The following UNC13C variants were observed in gnomAD, a reference collection of about 807,000 sequenced individuals.
The protein encoded by UNC13C is unc-13 homolog C, also known as protein unc-13 homolog C.
Under a neutral mutation model 245.4 loss-of-function variants are expected in UNC13C, and 174 were observed. That is an observed-to-expected ratio of 0.71 (90% CI 0.63 to 0.80). The LOEUF (loss-of-function observed/expected upper bound fraction) is 0.80. UNC13C is among the 30% of genes least tolerant of loss of function. The pLI is 0.00. For synonymous variants in UNC13C, 992 were observed against 895.1 expected, an observed-to-expected ratio of 1.11 and a Z score of -1.93; for missense variants, 2,829 against 2,602.9, an observed-to-expected ratio of 1.09 and a Z score of -1.89.
chr15:54,359,918 T>G (rs894757269), intron 17 of UNC13C, among the ~76,000 whole-genome samples: 3 of 151,940 alleles, frequency 2.0e-5, no homozygotes, highest in African/African-American at 7.2e-5. Context: ...TCTAGTTTCC[T>G]AAGGTATACC....
chr15:54,175,121 G>A (rs1191055122), intron 4 of UNC13C, among the ~76,000 whole-genome samples: 1 of 152,022 alleles, frequency 6.6e-6, no homozygotes, highest in Non-Finnish European at 1.5e-5. Context: ...TCCAACAGGG[G>A]CATATTTCCT....
At chr15:54,628,978 T>G (rs1172328478), downstream of UNC13C, 10 of 151,972 alleles carry the variant, frequency 6.6e-5, no homozygotes, top group Admixed American at 6.6e-4. Context: ...CATAAACACA[T>G]ATGCACGTAT....
At chr15:54,604,721 C>G (rs570004696) in intron 30 of UNC13C, among the ~76,000 whole-genome samples, 18 of 152,302 alleles carry the variant, frequency 1.2e-4, no homozygotes, top group Non-Finnish European at 2.2e-4. Context: ...AGTGCCAGCA[C>G]AGGGCAATAC....
At chr15:53,877,855 C>T in the UNC13C span, among the ~76,000 whole-genome samples, 1 of 152,182 alleles carries the variant, frequency 6.6e-6, no homozygotes, top group Non-Finnish European at 1.5e-5. Context: ...CCCTCCTGAC[C>T]TCGTAACTAT....
intron 2 of UNC13C, among the ~76,000 whole-genome samples, chr15:54,060,449 A>G (rs991813283): frequency 6.6e-6 from 1 of 152,246 alleles, no homozygotes; most frequent in Non-Finnish European, 1.5e-5. Context: ...AATGGTGATC[A>G]TTAAAAAGTC....
At chr15:54,290,247 C>A (rs764331379) in intron 10 of UNC13C, among the ~76,000 whole-genome samples, 1 of 151,812 alleles carries the variant, frequency 6.6e-6, no homozygotes, top group Non-Finnish European at 1.5e-5. Flanking sequence ...CCAGTCTTTA[C>A]GGGGAAAAAG....
intron 19 of UNC13C, among the ~76,000 whole-genome samples, chr15:54,454,651 A>G (rs899867320): frequency 1.9e-4 from 29 of 151,290 alleles, no homozygotes; most frequent in Admixed American, 7.9e-4. Flanking sequence ...TTCTCTATAC[A>G]TTTACCTATT....
chr15:53,854,494 G>A, the UNC13C span, among the ~76,000 whole-genome samples: 33 of 152,232 alleles, frequency 2.2e-4, no homozygotes, highest in Non-Finnish European at 3.8e-4. Context: ...AAGGGGTCCA[G>A]TTTTAATTTT....
chr15:54,218,410 A>C (rs1249383444), intron 4 of UNC13C, among the ~76,000 whole-genome samples: 1 of 151,968 alleles, frequency 6.6e-6, no homozygotes, highest in Non-Finnish European at 1.5e-5. Flanking sequence ...TTACTGTCTT[A>C]CTTGAATGGT....
At chr15:54,271,828 A>C (rs1483142727) in intron 10 of UNC13C, among the ~76,000 whole-genome samples, 1 of 152,212 alleles carries the variant, frequency 6.6e-6, no homozygotes, top group African/African-American at 2.4e-5. Context: ...TTGAATAGGC[A>C]TGGGAATGGT....
intron 19 of UNC13C, among the ~76,000 whole-genome samples, chr15:54,480,251 G>A (rs1211373591): frequency 1.3e-5 from 2 of 151,552 alleles, no homozygotes; most frequent in Non-Finnish European, 1.5e-5. Flanking sequence ...CTCTGCTGTG[G>A]TCTTTATTAT....
intron 2 of UNC13C, among the ~76,000 whole-genome samples, chr15:54,121,322 C>T (rs564625117): frequency 3.3e-5 from 5 of 152,212 alleles, no homozygotes; most frequent in South Asian, 2.1e-4. Context: ...AAGGCTCAGA[C>T]GATTGTTAGT....
chr15:54,562,632 T>C (rs1897341650), intron 29 of UNC13C, among the ~76,000 whole-genome samples: 1 of 152,074 alleles, frequency 6.6e-6, no homozygotes, highest in Non-Finnish European at 1.5e-5. Flanking sequence ...GCTCTCCTGC[T>C]ATGTATTGGT....
chr15:54,169,738 C>A lies in UNC13C; in HGVS notation c.3071+26054C>A, dbSNP rs1404980882. ...TTGGAGAGCCCTTTGGGACACATCA[C>A]CTCTCCTCAACAACTCCTGTCCGTA... On this transcript the variant is annotated intron_variant, in intron 4 of 32. Coordinates refer to ENST00000260323, the MANE Select transcript of UNC13C (RefSeq NM_001080534.3). Among the ~76,000 whole-genome samples, 3 of 152,126 alleles carry A rather than the reference C, an allele frequency of 2.0e-5. No homozygotes were observed. In the East Asian group the frequency reaches 5.8e-4, roughly 29 times the overall value.
chr15:54,420,077 G>T (rs540873449), intron 19 of UNC13C, among the ~76,000 whole-genome samples: 3 of 152,154 alleles, frequency 2.0e-5, no homozygotes, highest in South Asian at 2.1e-4. Context: ...ATCCCCTGCA[G>T]TAGCACCAAA....
chr15:54,374,207 A>G (rs781438943), intron 17 of UNC13C, among the ~76,000 whole-genome samples: 9 of 152,196 alleles, frequency 5.9e-5, no homozygotes, highest in South Asian at 2.1e-4. Flanking sequence ...AAAAAGCACC[A>G]TAAGTTCTCA....
chr15:54,251,604 T>A (rs2036154574), intron 8 of UNC13C, among the ~76,000 whole-genome samples: 1 of 152,250 alleles, frequency 6.6e-6, no homozygotes, highest in African/African-American at 2.4e-5. Flanking sequence ...AAAATACACA[T>A]AATTGACTTT....
intron 20 of UNC13C, among the ~76,000 whole-genome samples, chr15:54,497,249 T>C (rs371076690): frequency 6.6e-6 from 1 of 152,110 alleles, no homozygotes. Flanking sequence ...CTAAGATCCC[T>C]GAGAAAAGAA....
intron 4 of UNC13C, among the ~76,000 whole-genome samples, chr15:54,162,097 G>A (rs1216081686): frequency 6.6e-6 from 1 of 152,164 alleles, no homozygotes; most frequent in African/African-American, 2.4e-5. Context: ...ATATAATAGA[G>A]TCATATTGTT....
Sources: allele counts gnomAD v4.1 joint callset (sites outside exome capture counted in the v4.1 genomes callset), GRCh38; gene constraint gnomAD v4.1.1; transcripts MANE v1.5; gene names NCBI Gene and HGNC (gene_info 2026-07-23, HGNC 2026-07-21).